ADPGK: variants seen among roughly 807,000 people sequenced by gnomAD.
The protein encoded by ADPGK is ADP dependent glucokinase, also known as ADP-dependent glucokinase.
A neutral mutation model predicts 42.4 loss-of-function variants in ADPGK; 26 were observed. The ratio of observed to expected loss-of-function variants is 0.61; its 90% CI spans 0.45 to 0.85. The LOEUF (loss-of-function observed/expected upper bound fraction) is 0.85. ADPGK is among the 40% of genes least tolerant of loss of function. The probability of loss-of-function intolerance (pLI) is 0.00; values close to 1 mark genes in which losing one functional copy is unlikely to be tolerated. For missense variants in ADPGK, 571 were observed against 627.0 expected (o/e 0.91, Z 0.95); for synonymous variants, 267 against 252.6 (o/e 1.06, Z -0.54).
At chr15:72,773,726 T>A (rs1439898820) in intron 2 of ADPGK, among the ~76,000 whole-genome samples, 1 of 152,248 alleles carries the variant, frequency 6.6e-6, no homozygotes, top group Non-Finnish European at 1.5e-5. Context: ...GATTCTCTCA[T>A]AAGAGATAAG....
intron 1 of ADPGK, among the ~76,000 whole-genome samples, chr15:72,782,514 G>C (rs114159705): frequency 0.013 from 1,205 of 92,400 alleles, 27 homozygotes; most frequent in African/African-American, 0.051. Flanking sequence ...GACAGAGAGA[G>C]AGACCCTGTG....
chr15:72,779,230 A>G (rs995118162), intron 1 of ADPGK, among the ~76,000 whole-genome samples: 4 of 147,138 alleles, frequency 2.7e-5, no homozygotes, highest in African/African-American at 7.5e-5. Context: ...GGGGCAATAA[A>G]TATTAGCATG....
chr15:72,766,567 G>A (rs1331571480), intron 3 of ADPGK, among the ~76,000 whole-genome samples: 1 of 152,030 alleles, frequency 6.6e-6, no homozygotes, highest in Admixed American at 6.5e-5. Flanking sequence ...CTTTTTTTCA[G>A]ACATAATGGT....
At chr15:72,755,706 A>G (rs2066103229) in intron 5 of ADPGK, 52 bp from the exon 6 acceptor site, 2 of 1,401,956 alleles carry the variant, frequency 1.4e-6, no homozygotes, top group Non-Finnish European at 1.0e-6. Context: ...GGAAGTCAAG[A>G]AAGAGGGAAG....
intron 3 of ADPGK, 109 bp downstream of exon 3, chr15:72,771,674 A>G (rs764578004): frequency 3.1e-6 from 3 of 972,576 alleles, no homozygotes; most frequent in Non-Finnish European, 4.6e-6. Flanking sequence ...GGTCTGGTAC[A>G]TAGTAGGTGA....
intron 3 of ADPGK, among the ~76,000 whole-genome samples, chr15:72,764,082 C>A (rs1385839081): frequency 1.3e-5 from 2 of 152,188 alleles, no homozygotes; most frequent in African/African-American, 2.4e-5. Context: ...CAGTTAATAA[C>A]CCTACAATGG....
intron 6 of ADPGK, among the ~76,000 whole-genome samples, chr15:72,754,791 T>C (rs1447015944): frequency 2.0e-5 from 3 of 152,118 alleles, no homozygotes; most frequent in Admixed American, 6.5e-5. Context: ...AAGAGCAAAG[T>C]GAAGAACAGA....
chr15:72,755,733 A>C (rs2151070148), intron 5 of ADPGK, 79 bp from the exon 6 acceptor site: 1 of 1,167,308 alleles, frequency 8.6e-7, no homozygotes, highest in South Asian at 1.3e-5. Context: ...TCAGATCCTG[A>C]GAGGCGGTTC....
At chr15:72,764,997 A>G (rs932316862) in intron 3 of ADPGK, among the ~76,000 whole-genome samples, 20 of 11,506 alleles carry the variant, frequency 1.7e-3, no homozygotes, top group African/African-American at 4.2e-3. Context: ...TACTGCTCAG[A>G]AAAAAAAAAA....
intron 2 of ADPGK, among the ~76,000 whole-genome samples, chr15:72,774,516 C>G (rs781506420): frequency 6.6e-6 from 1 of 152,202 alleles, no homozygotes. Flanking sequence ...CACTAAGGTT[C>G]TAACTTCGAC....
chr15:72,780,669 G>A (rs547080439), intron 1 of ADPGK, among the ~76,000 whole-genome samples: 1 of 152,232 alleles, frequency 6.6e-6, no homozygotes, highest in Admixed American at 6.5e-5. Context: ...GGTGGTACAT[G>A]CCTGTAGTTC....
At chr15:72,758,912 CCA>C (rs1160501812) in intron 4 of ADPGK, among the ~76,000 whole-genome samples, 1 of 152,162 alleles carries the variant, frequency 6.6e-6, no homozygotes, top group Non-Finnish European at 1.5e-5. Flanking sequence ...CCCTTCCAGT[CCA>C]CAGTCAGGTC....
chr15:72,774,999 G>A lies in ADPGK; in HGVS notation c.332C>T (p.Ser111Leu). The change falls in exon 2 of 7, where the codon TCA becomes TTA. Residue 111 changes from serine to leucine, a missense_variant. Ser to Leu is a moderately radical substitution (Grantham distance 145). Coordinates refer to ENST00000456471, the MANE Select transcript of ADPGK (RefSeq NM_001365225.1). Reference sequence around the variant, plus strand: ...GAAGGCTTCTTCCAGATCATTCCTTGAATGCAGAATGCTGTGATCTTTCCC... The same window carrying A: ...GAAGGCTTCTTCCAGATCATTCCTTAAATGCAGAATGCTGTGATCTTTCCC... ...GNGKDHSILHSRNDLEEAFIH... is the reference protein window; with the variant it reads ...GNGKDHSILHLRNDLEEAFIH... 6.2e-7 allele frequency: 1 copy of A among 1,614,104 alleles called. No homozygotes were observed. The highest frequency in any genetic ancestry group is 1.1e-5 in the South Asian group (1 of 91,080).
chr15:72,763,318 A>ATTTT (rs34099103), intron 3 of ADPGK, among the ~76,000 whole-genome samples: 2 of 123,676 alleles, frequency 1.6e-5, no homozygotes, highest in African/African-American at 6.7e-5. Flanking sequence ...CACTCGGCTA[A>ATTTT]TTTTTTTTTT....
intron 5 of ADPGK, 143 bp downstream of exon 5, chr15:72,756,108 C>G: frequency 1.0e-6 from 1 of 955,816 alleles, no homozygotes. Flanking sequence ...CTCACTGCAG[C>G]AGGAGGCAAG....
In ADPGK at chr15:72,752,630, G is replaced by A. The variant is rs747331107; in HGVS notation, c.1205C>T (p.Ala402Val). ...AGCCACACGAGCTCCTGCAGCCACG[G>A]CTGCCAGCTGGTTGGCCCAGTGTCC... ...VDGHWANQLA[A>V]VAAGARVAGT... Residue 402 changes from alanine (A) to valine (V), a missense_variant, in exon 7 of 7, where the codon GCC becomes GTC. Transcript: ENST00000456471. 35 of 1,614,104 alleles carry A rather than the reference G, an allele frequency of 2.2e-5. No homozygotes were observed. Among genetic ancestry groups the A allele is most frequent in the Non-Finnish European group, 2.8e-5 (33 of 1,180,050 alleles).
chr15:72,767,383 C>A (rs371011854), intron 3 of ADPGK, among the ~76,000 whole-genome samples: 83 of 137,854 alleles, frequency 6.0e-4, no homozygotes, highest in Middle Eastern at 3.7e-3. Flanking sequence ...ATCAAATAGA[C>A]AAAAAAAAAA....
At chr15:72,760,938 G>T (rs1018621286) in intron 3 of ADPGK, among the ~76,000 whole-genome samples, 3 of 152,172 alleles carry the variant, frequency 2.0e-5, no homozygotes, top group Non-Finnish European at 2.9e-5. Context: ...GGTCATAAGG[G>T]TGAGGTGAGG....
At chr15:72,760,659 T>G in intron 3 of ADPGK, 132 bp from the exon 4 acceptor site, 1 of 1,248,058 alleles carries the variant, frequency 8.0e-7, no homozygotes, top group Non-Finnish European at 1.1e-6. Flanking sequence ...AAATCTAATT[T>G]TGAAAGCTGT....
Sources: allele counts gnomAD v4.1 joint callset (sites outside exome capture counted in the v4.1 genomes callset), GRCh38; gene constraint gnomAD v4.1.1; transcripts MANE v1.5; gene names NCBI Gene and HGNC (gene_info 2026-07-23, HGNC 2026-07-21).